THSD4: variants seen among roughly 807,000 people sequenced by gnomAD.
The protein encoded by THSD4 is thrombospondin type-1 domain-containing protein 4.
Under a neutral mutation model 119.0 loss-of-function variants are expected in THSD4, and 69 were observed. The ratio of observed to expected loss-of-function variants is 0.58; its 90% confidence interval spans 0.48 to 0.71. THSD4 has a LOEUF of 0.71. Among genes scored for constraint, THSD4 ranks in the 30% least tolerant of loss-of-function variants. THSD4 has a pLI of 0.00. For synonymous variants in THSD4, 524 were observed against 540.4 expected, an observed-to-expected ratio of 0.97 and a Z score of 0.42; for missense variants, 1,393 against 1,391.1, an observed-to-expected ratio of 1.00 and a Z score of -0.02.
chr15:71,167,058 C>T (rs896511780), intron 3 of THSD4: 1 of 152,088 alleles, frequency 6.6e-6, no homozygotes, highest in Non-Finnish European at 1.5e-5. Flanking sequence ...AAAGGATTCT[C>T]TGGTTTCCTT....
chr15:71,550,465 CTT>C (rs2048910028), intron 7 of THSD4, among the ~76,000 whole-genome samples: 1 of 152,180 alleles, frequency 6.6e-6, no homozygotes, highest in South Asian at 2.1e-4. Flanking sequence ...GAGACAGAGT[CTT>C]GCTCTGTCGC....
intron 6 of THSD4, among the ~76,000 whole-genome samples, chr15:71,388,872 A>T (rs546859396): frequency 6.6e-6 from 1 of 152,140 alleles, no homozygotes; most frequent in African/African-American, 2.4e-5. Context: ...CATAATTCCC[A>T]TGTGTTGTAG....
At chr15:71,553,529 G>C (rs142921166) in intron 7 of THSD4, among the ~76,000 whole-genome samples, 183 of 152,166 alleles carry the variant, frequency 1.2e-3, no homozygotes, top group African/African-American at 4.1e-3. Context: ...GTTTCACCAT[G>C]TTGGCCAGGC....
At chr15:71,247,388 C>G (rs750620328) in intron 5 of THSD4, among the ~76,000 whole-genome samples, 3 of 152,138 alleles carry the variant, frequency 2.0e-5, no homozygotes, top group Non-Finnish European at 4.4e-5. Flanking sequence ...GTTGGAGACA[C>G]TGAGATGCGA....
chr15:71,680,602 A>G (rs975445995), intron 8 of THSD4, among the ~76,000 whole-genome samples: 3 of 152,230 alleles, frequency 2.0e-5, no homozygotes, highest in African/African-American at 7.2e-5. Flanking sequence ...ACTCACTTGG[A>G]ATTTTAAGAA....
chr15:71,296,959 G>T (rs886667436), intron 6 of THSD4, among the ~76,000 whole-genome samples: 1 of 152,138 alleles, frequency 6.6e-6, no homozygotes, highest in African/African-American at 2.4e-5. Context: ...AAATGCTACT[G>T]TAATGGACCT....
chr15:71,280,797 A>C (rs914481217), intron 6 of THSD4, among the ~76,000 whole-genome samples: 1 of 152,172 alleles, frequency 6.6e-6, no homozygotes, highest in African/African-American at 2.4e-5. Flanking sequence ...ACAGTCCTTC[A>C]AAAAGGTCCA....
chr15:71,287,069 A>G (rs961660644), intron 6 of THSD4, among the ~76,000 whole-genome samples: 2 of 152,148 alleles, frequency 1.3e-5, no homozygotes, highest in African/African-American at 4.8e-5. Flanking sequence ...CAACATTCCT[A>G]TGAGTAAACA....
chr15:71,265,407 A>G (rs1224436120), intron 6 of THSD4, among the ~76,000 whole-genome samples: 1 of 152,048 alleles, frequency 6.6e-6, no homozygotes, highest in Admixed American at 6.6e-5. Context: ...GCCTTGAGGA[A>G]TGGTGCACTC....
intron 3 of THSD4, among the ~76,000 whole-genome samples, chr15:71,203,738 CA>C (rs2043821607): frequency 6.6e-6 from 1 of 152,182 alleles, no homozygotes; most frequent in Admixed American, 6.5e-5. Flanking sequence ...CAGGTAAGGT[CA>C]AATCTCAATC....
rs1422345184 is a variant in THSD4 at position 71,215,280 on chromosome 15, C to A, written c.345C>A (p.His115Gln). ...VSAVRTSVPLHRSRDETPALA... is the reference protein window; with the variant it reads ...VSAVRTSVPLQRSRDETPALA... ...CGGTGCGCACGTCGGTGCCACTGCACCGGAGCCGCGACGAGACGCCAGCGC... is the reference window on the plus strand; with the variant it reads ...CGGTGCGCACGTCGGTGCCACTGCAACGGAGCCGCGACGAGACGCCAGCGC... Residue 115 changes from histidine (H) to glutamine (Q), a missense_variant, in exon 4 of 18, where the codon CAC (histidine) becomes CAA (glutamine). His to Gln is a conservative substitution (Grantham distance 24). Transcript: ENST00000261862. 27 of 1,520,658 alleles carry A rather than the reference C, an allele frequency of 1.8e-5. No homozygotes were observed. The highest frequency in any genetic ancestry group is 2.4e-5 in the Non-Finnish European group (27 of 1,140,258). The allele number at this position is 1,520,658 out of a possible 1,614,324, so 94.2% of individuals were successfully genotyped here.
intron 17 of THSD4, among the ~76,000 whole-genome samples, chr15:71,775,714 AAAAAT>A (rs925793963): frequency 2.6e-5 from 4 of 152,176 alleles, no homozygotes; most frequent in African/African-American, 9.6e-5. Flanking sequence ...CCGTCTCAAA[AAAAAT>A]AAAATAAATA....
intron 2 of THSD4, among the ~76,000 whole-genome samples, chr15:71,148,950 C>T (rs2040692266): frequency 1.3e-5 from 2 of 152,032 alleles, no homozygotes; most frequent in Non-Finnish European, 2.9e-5. Context: ...TTATGAAGTA[C>T]TACTTGTGAG....
intron 6 of THSD4, among the ~76,000 whole-genome samples, chr15:71,258,234 G>A (rs1445605035): frequency 2.6e-5 from 4 of 152,012 alleles, no homozygotes; most frequent in African/African-American, 7.2e-5. Context: ...GCTGGAGTGC[G>A]GTGGCGTGAT....
intron 15 of THSD4, 118 bp downstream of exon 15, chr15:71,758,193 G>A: frequency 8.1e-7 from 1 of 1,235,246 alleles, no homozygotes; most frequent in South Asian, 1.6e-5. Flanking sequence ...CAGTGCCACT[G>A]TCTATCTGTG....
chr15:71,289,975 A>G (rs1280826378), intron 6 of THSD4, among the ~76,000 whole-genome samples: 1 of 152,072 alleles, frequency 6.6e-6, no homozygotes, highest in African/African-American at 2.4e-5. Flanking sequence ...GTGCCCGGGC[A>G]TGGGGGGAGT....
chr15:71,738,056 G>C, intron 11 of THSD4, 49 bp downstream of exon 11: 1 of 1,601,808 alleles, frequency 6.2e-7, no homozygotes, highest in Non-Finnish European at 8.5e-7. Flanking sequence ...CCTAAGCAAG[G>C]AGTGTGTGGG....
At chr15:71,674,539 A>T (rs1387689916) in intron 8 of THSD4, among the ~76,000 whole-genome samples, 4 of 152,176 alleles carry the variant, frequency 2.6e-5, no homozygotes, top group African/African-American at 9.7e-5. Flanking sequence ...TGTTTGAACT[A>T]TGCTGATGCC....
chr15:71,167,927 C>T (rs552904868), intron 3 of THSD4, among the ~76,000 whole-genome samples: 56 of 152,248 alleles, frequency 3.7e-4, no homozygotes, highest in Non-Finnish European at 6.9e-4. Flanking sequence ...CCAAATGCTG[C>T]TCAGGTGACT....
Sources: gnomAD v4.1 joint callset for allele counts (sites outside exome capture counted in the v4.1 genomes callset) on GRCh38, gnomAD v4.1.1 for gene constraint, MANE v1.5 for transcripts, NCBI Gene and HGNC (gene_info 2026-07-23, HGNC 2026-07-21) for gene names.